RBFOX1: variants seen among roughly 807,000 people sequenced by gnomAD.
RBFOX1 encodes the protein RNA binding protein fox-1 homolog 1.
A neutral mutation model predicts 57.7 loss-of-function variants in RBFOX1; 8 were observed. The observed-to-expected ratio is 0.14, with a 90% CI of 0.08 to 0.25. The LOEUF is 0.25. Among genes scored for constraint, RBFOX1 ranks in the 10% least tolerant of loss-of-function variants. RBFOX1 has a pLI of 1.00. For synonymous variants in RBFOX1, 326 were observed against 222.4 expected (o/e 1.47, Z -4.15); for missense variants, 611 against 548.5 (o/e 1.11, Z -1.14).
chr16:7,068,894 C>G (rs554321761), intron 4 of RBFOX1, among the ~76,000 whole-genome samples: 23 of 152,328 alleles, frequency 1.5e-4, no homozygotes, highest in African/African-American at 5.5e-4. Flanking sequence ...CGGCCTGATA[C>G]TATTTTATTA....
intron 3 of RBFOX1, among the ~76,000 whole-genome samples, chr16:6,844,652 T>A (rs1393959822): frequency 6.6e-6 from 1 of 152,198 alleles, no homozygotes; most frequent in Non-Finnish European, 1.5e-5. Context: ...AACTTACATG[T>A]GCACATACCT....
At chr16:6,818,199 C>A (rs76079289) in intron 3 of RBFOX1, among the ~76,000 whole-genome samples, 1 of 152,070 alleles carries the variant, frequency 6.6e-6, no homozygotes, top group Non-Finnish European at 1.5e-5. Flanking sequence ...GCTGTTGGTC[C>A]TGTGACAGTT....
intron 1 of RBFOX1, among the ~76,000 whole-genome samples, chr16:5,320,183 G>A (rs1024399438): frequency 6.6e-6 from 1 of 152,182 alleles, no homozygotes; most frequent in Non-Finnish European, 1.5e-5. Context: ...CAGGTTTATG[G>A]AGGCACAGAG....
intron 1 of RBFOX1, among the ~76,000 whole-genome samples, chr16:6,033,284 A>C (rs1359427630): frequency 1.3e-5 from 2 of 152,196 alleles, no homozygotes; most frequent in Admixed American, 1.3e-4. Flanking sequence ...GCAGGGAATG[A>C]TGTATGTTAC....
rs1011958343 is a variant in RBFOX1 at position 6,557,094 on chromosome 16, CATAT to C, written c.-63-97505_-63-97502del. The stretch of plus-strand genomic sequence containing the variant: ...ATATATACATATATACATACATATA[CATAT>C]ATACATACATATATACATATATACA... On this transcript the variant is annotated intron_variant, in intron 2 of 15. Coordinates refer to ENST00000550418, the MANE Select transcript of RBFOX1 (RefSeq NM_018723.4). Among the ~76,000 whole-genome samples the C allele has an allele frequency of 5.4e-4, 77 of 143,760 alleles. 1 individual carries two copies. The East Asian group carries it at 6.9e-3, about 13-fold the overall frequency. 94.3% of individuals were successfully genotyped at this position (143,760 alleles called of 152,430 possible). A position where few individuals can be genotyped will look rare whatever the true frequency, so the allele number is the denominator to read the frequency against.
intron 4 of RBFOX1, among the ~76,000 whole-genome samples, chr16:7,142,549 C>G (rs2152121848): frequency 6.6e-6 from 1 of 152,170 alleles, no homozygotes; most frequent in East Asian, 1.9e-4. Context: ...ATGGCCGGCT[C>G]TTTCTTAGCC....
At chr16:6,120,230 A>G (rs1597480826) in intron 1 of RBFOX1, among the ~76,000 whole-genome samples, 1 of 152,196 alleles carries the variant, frequency 6.6e-6, no homozygotes. Flanking sequence ...AATAGCTGCT[A>G]TGAATATTTA....
intron 2 of RBFOX1, among the ~76,000 whole-genome samples, chr16:6,641,077 G>A (rs1363501286): frequency 6.6e-6 from 1 of 152,200 alleles, no homozygotes. Context: ...CACTTCAGTT[G>A]CTTAAATGGA....
chr16:7,520,926 G>C (rs1484197835), intron 5 of RBFOX1, among the ~76,000 whole-genome samples: 1 of 152,170 alleles, frequency 6.6e-6, no homozygotes, highest in Non-Finnish European at 1.5e-5. Flanking sequence ...ATTAGGGCCA[G>C]GATTCATACT....
intron 3 of RBFOX1, among the ~76,000 whole-genome samples, chr16:6,936,361 C>G (rs2077362444): frequency 6.6e-6 from 1 of 152,144 alleles, no homozygotes; most frequent in South Asian, 2.1e-4. Context: ...TCTCAATGAG[C>G]ATAGGCACAA....
At chr16:6,704,805 G>A (rs2062442358) in intron 3 of RBFOX1, 1 of 152,126 alleles carries the variant, frequency 6.6e-6, no homozygotes, top group African/African-American at 2.4e-5. Flanking sequence ...TAATTTTGCT[G>A]CGTTCCTTTC....
intron 3 of RBFOX1, among the ~76,000 whole-genome samples, chr16:6,829,906 A>C (rs1302882040): frequency 6.9e-6 from 1 of 144,634 alleles, no homozygotes; most frequent in Non-Finnish European, 1.5e-5. Context: ...CCAGCCCTTT[A>C]TTTTTATTTT....
intron 7 of RBFOX1, among the ~76,000 whole-genome samples, chr16:7,589,041 C>A (rs2094294159): frequency 6.6e-6 from 1 of 152,196 alleles, no homozygotes; most frequent in Admixed American, 6.5e-5. Context: ...TCTCTTCCTG[C>A]TTCTTGTAGG....
In RBFOX1 at chr16:6,520,041, C is replaced by T. The variant is rs989818561; in HGVS notation, c.-63-134562C>T. Among the ~76,000 whole-genome samples, 12 of 152,250 alleles carry T rather than the reference C, an allele frequency of 7.9e-5. No homozygotes were observed. The East Asian group carries it at 1.6e-3, about 20-fold the overall frequency. ...ACATTGAGAACTCATGGGCATGTTT[C>T]CACCGTGCAGGTGCTAAGGTTTCTT... On this transcript the variant is annotated intron_variant, in intron 2 of 15. Transcript: ENST00000550418.
intron 4 of RBFOX1, among the ~76,000 whole-genome samples, chr16:7,056,433 C>T (rs185182903): frequency 3.9e-5 from 6 of 152,304 alleles, no homozygotes; most frequent in African/African-American, 9.6e-5. Flanking sequence ...GCATTAACCA[C>T]TCCTGATCCT....
intron 2 of RBFOX1, among the ~76,000 whole-genome samples, chr16:6,466,238 A>C (rs2095047987): frequency 6.6e-6 from 1 of 152,038 alleles, no homozygotes; most frequent in South Asian, 2.1e-4. Flanking sequence ...TCAAAAAAAA[A>C]AAAAAGGATT....
intron 2 of RBFOX1, among the ~76,000 whole-genome samples, chr16:6,540,613 A>C (rs2096801578): frequency 7.9e-4 from 2 of 2,542 alleles, no homozygotes; most frequent in Admixed American, 8.3e-3. Flanking sequence ...CTCTGTCTCA[A>C]AAAAAAAAAA....
At position 6,369,184 on chromosome 16, in the gene RBFOX1, G is replaced by C. The variant is rs141060971; in HGVS notation, c.-64+52127G>C. Among the ~76,000 whole-genome samples, 19 of 152,274 alleles carry C rather than the reference G, an allele frequency of 1.2e-4. No homozygotes were observed. The East Asian group carries it at 2.3e-3, about 19-fold the overall frequency. On this transcript the variant is annotated intron_variant, in intron 2 of 15. Coordinates refer to ENST00000550418, the MANE Select transcript of RBFOX1 (RefSeq NM_018723.4). Reference sequence around the variant, plus strand: ...TTTACTAACTTGGGCATAGGAAGCAGATACATCTTGTATTAAGTAATATAC... The same window carrying C: ...TTTACTAACTTGGGCATAGGAAGCACATACATCTTGTATTAAGTAATATAC...
At chr16:6,658,357 C>G (rs376013191) in intron 3 of RBFOX1, among the ~76,000 whole-genome samples, 1 of 151,910 alleles carries the variant, frequency 6.6e-6, no homozygotes, top group South Asian at 2.1e-4. Flanking sequence ...TCTCCTGCCT[C>G]AGCCTCCTGC....
Sources: allele counts gnomAD v4.1 joint callset (sites outside exome capture counted in the v4.1 genomes callset), GRCh38; gene constraint gnomAD v4.1.1; transcripts MANE v1.5; gene names NCBI Gene and HGNC (gene_info 2026-07-23, HGNC 2026-07-21).